BBS7: variants seen among roughly 807,000 people sequenced by gnomAD.
BBS7 encodes BBSome complex member BBS7.
In BBS7, 50 loss-of-function variants were observed where a neutral mutation model predicts 90.3. That is an observed-to-expected ratio of 0.55 (90% CI 0.44 to 0.70). The LOEUF is 0.70. BBS7 is among the 30% of genes least tolerant of loss of function. The pLI is 0.00. For missense variants in BBS7, 729 were observed against 838.9 expected, an observed-to-expected ratio of 0.87 and a Z score of 1.62; for synonymous variants, 235 against 287.4, an observed-to-expected ratio of 0.82 and a Z score of 1.85.
chr4:121,853,119 A>G (rs1726411416), intron 7 of BBS7, 33 bp from the exon 8 acceptor site: 1 of 1,602,174 alleles, frequency 6.2e-7, no homozygotes. Context: ...AGTTATTAAG[A>G]AGACTAATAG....
chr4:121,848,742 A>G (rs1726144925), intron 9 of BBS7, 102 bp downstream of exon 9: 1 of 910,848 alleles, frequency 1.1e-6, no homozygotes. Flanking sequence ...AGGGGGGACT[A>G]CTATAACTGT....
intron 5 of BBS7, among the ~76,000 whole-genome samples, chr4:121,856,374 A>G (rs567211759): frequency 6.6e-6 from 1 of 152,368 alleles, no homozygotes; most frequent in Admixed American, 6.5e-5. Context: ...AGTTAGAAGT[A>G]CTTATACTCA....
At position 121,870,350 on chromosome 4, in the gene BBS7, G is replaced by A. The variant is rs372783105; in HGVS notation, c.-37C>T. 406 of 1,613,622 alleles carry A rather than the reference G, an allele frequency of 2.5e-4. No individual in the cohort carries two copies. The African/African-American group carries it at 4.9e-3, about 19-fold the overall frequency. ...GGAGGGGCTAAGCAGCGCCGGACAA[G>A]AACAGGAGGGACAGAGGCTTCGGGC... On this transcript the variant is annotated 5_prime_UTR_variant, in exon 1 of 19. Coordinates refer to ENST00000264499, the MANE Select transcript of BBS7 (RefSeq NM_176824.3).
At chr4:121,832,034 A>ACACACT (rs1242845301) in intron 15 of BBS7, among the ~76,000 whole-genome samples, 1 of 151,178 alleles carries the variant, frequency 6.6e-6, no homozygotes, top group African/African-American at 2.4e-5. Flanking sequence ...ACACACACAC[A>ACACACT]CACACACACA....
At chr4:121,868,768 A>G (rs1277570407) in intron 1 of BBS7, among the ~76,000 whole-genome samples, 1 of 151,622 alleles carries the variant, frequency 6.6e-6, no homozygotes, top group Non-Finnish European at 1.5e-5. Flanking sequence ...CATCCAATCT[A>G]ACAGGTGAAG....
intron 13 of BBS7, among the ~76,000 whole-genome samples, chr4:121,836,182 T>C (rs1725441090): frequency 6.6e-6 from 1 of 152,210 alleles, no homozygotes. Context: ...CAGGAAATAG[T>C]AATTCACTAA....
At chr4:121,869,793 C>G (rs1318898327) in intron 1 of BBS7, among the ~76,000 whole-genome samples, 1 of 152,214 alleles carries the variant, frequency 6.6e-6, no homozygotes. Flanking sequence ...CCCGCCTCGG[C>G]CTCCCAAAGT....
intron 15 of BBS7, 143 bp downstream of exon 15, chr4:121,833,088 C>G (rs952382388): frequency 2.6e-6 from 2 of 763,386 alleles, no homozygotes; most frequent in Non-Finnish European, 4.2e-6. Flanking sequence ...TCTAAACTTA[C>G]TAATTTGATT....
chr4:121,835,170 T>C lies in BBS7; in HGVS notation c.1485A>G (p.Gln495=), dbSNP rs1257334109. ...TGTCATGATCAATAAAGTGAGTTCT[T>C]TGATGGAGTGAAAGAGGTTTGATGT... The part of the protein sequence containing the change: ...QYHIKPLSLH[Q]RTHFIDHDRP... The change falls in exon 14 of 19, where the codon CAA becomes CAG. Residue 495 remains glutamine, a synonymous_variant. Coordinates refer to ENST00000264499, the MANE Select transcript of BBS7 (RefSeq NM_176824.3). The C allele has an allele frequency of 2.5e-6, 4 of 1,613,782 alleles. No individual in the cohort carries two copies. Among genetic ancestry groups the C allele is most frequent in the African/African-American group, 2.7e-5 (2 of 74,910 alleles).
chr4:121,851,417 G>A (rs997890149), intron 8 of BBS7, among the ~76,000 whole-genome samples: 180 of 147,392 alleles, frequency 1.2e-3, no homozygotes, highest in Non-Finnish European at 1.8e-3. Flanking sequence ...GAAGGAAGGA[G>A]GGAAGGAGGG....
chr4:121,848,169 T>C (rs1726118176), intron 9 of BBS7, among the ~76,000 whole-genome samples: 1 of 152,162 alleles, frequency 6.6e-6, no homozygotes, highest in Non-Finnish European at 1.5e-5. Context: ...TTTAATGCTG[T>C]AAGTAAGAGT....
intron 8 of BBS7, among the ~76,000 whole-genome samples, chr4:121,851,403 A>AAAGGAAGG (rs1477190524): frequency 2.7e-5 from 4 of 148,522 alleles, no homozygotes; most frequent in South Asian, 2.2e-4. Flanking sequence ...AGAAAGGAAA[A>AAAGGAAGG]AAGGAAGGAA....
chr4:121,859,315 C>G, intron 4 of BBS7, 137 bp from the exon 5 acceptor site: 1 of 793,648 alleles, frequency 1.3e-6, no homozygotes, highest in South Asian at 1.7e-5. Flanking sequence ...AAACTTTCTC[C>G]TAGTTAATTC....
In BBS7 at chr4:121,867,980, C is replaced by A. The variant is rs764862220; in HGVS notation, c.102+1G>T. On this transcript the variant is annotated splice_donor_variant, in intron 2 of 18. Coordinates refer to ENST00000264499, the MANE Select transcript of BBS7 (RefSeq NM_176824.3). LOFTEE classifies it high-confidence loss of function. ...TGGAGAAATCAGAATCTATACAGTA[C>A]CTTTTGTGTAGCTCTGTGTCTTGAG... is the stretch of plus-strand genomic sequence containing the variant. 2.5e-6 allele frequency: 4 copies of A among 1,610,874 alleles called. No homozygotes were observed. The highest frequency in any genetic ancestry group is 3.4e-6 in the Non-Finnish European group (4 of 1,177,366).
At chr4:121,865,427 T>C (rs1578573803) in intron 2 of BBS7, among the ~76,000 whole-genome samples, 1 of 152,032 alleles carries the variant, frequency 6.6e-6, no homozygotes, top group South Asian at 2.1e-4. Context: ...TTAGTACAGA[T>C]GGGGTTTCAC....
intron 13 of BBS7, among the ~76,000 whole-genome samples, chr4:121,837,054 G>A (rs138410770): frequency 2.0e-5 from 3 of 152,072 alleles, no homozygotes; most frequent in East Asian, 3.9e-4. Context: ...CCGTCTCCTG[G>A]GTTCAAGCGA....
At chr4:121,842,161 G>T (rs1725770292) in intron 12 of BBS7, among the ~76,000 whole-genome samples, 2 of 148,898 alleles carry the variant, frequency 1.3e-5, no homozygotes, top group South Asian at 4.3e-4. Context: ...CTTGAGACAG[G>T]AGAATTGCTT....
chr4:121,841,383 C>T (rs1172864234), intron 12 of BBS7, among the ~76,000 whole-genome samples: 1 of 151,670 alleles, frequency 6.6e-6, no homozygotes. Context: ...AAAGTGAGGC[C>T]CCATTTCTAC....
intron 8 of BBS7, among the ~76,000 whole-genome samples, chr4:121,850,250 G>T (rs1402780025): frequency 6.6e-6 from 1 of 151,726 alleles, no homozygotes; most frequent in Non-Finnish European, 1.5e-5. Context: ...CTGCAGCCTG[G>T]ACCTCACAGG....
Sources: gnomAD v4.1 joint callset for allele counts (sites outside exome capture counted in the v4.1 genomes callset) on GRCh38, gnomAD v4.1.1 for gene constraint, MANE v1.5 for transcripts, NCBI Gene and HGNC (gene_info 2026-07-23, HGNC 2026-07-21) for gene names.